Variants in HSD3B2 observed in about 807,000 individuals in gnomAD.
HSD3B2 encodes 3 beta-hydroxysteroid dehydrogenase/Delta 5-->4-isomerase type 2.
A neutral mutation model predicts 9.9 loss-of-function variants in HSD3B2; 8 were observed. The observed-to-expected ratio is 0.81, with a 90% CI of 0.47 to 1.46. HSD3B2 has a LOEUF of 1.46. Ranked by LOEUF, HSD3B2 falls within the 40% of genes most tolerant of loss-of-function variation. HSD3B2 has a pLI of 0.00. For synonymous variants in HSD3B2, 221 were observed against 184.5 expected (o/e 1.20, Z -1.60); for missense variants, 410 against 448.3 (o/e 0.91, Z 0.77).
At position 119,422,346 on chromosome 1, in the gene HSD3B2, G is replaced by A. The variant is rs751897022; in HGVS notation, c.845G>A (p.Arg282Lys). 3 of 1,614,186 alleles carry A rather than the reference G, an allele frequency of 1.9e-6. No homozygotes were observed. The highest frequency in any genetic ancestry group is 3.3e-5 in the Admixed American group (2 of 60,028). The change falls in exon 4 of 4, where the codon AGA becomes AAA. Residue 282 changes from arginine to lysine, a missense_variant. Physicochemically the swap from Arg to Lys is conservative, Grantham distance 26 (BLOSUM62 2). Transcript: ENST00000369416. ...GAGTTTGGCCTCCGCCTTGATTCCA[G>A]ATGGAGCCTTCCTTTAACCCTGATG... ...SKEFGLRLDS[R>K]WSLPLTLMYW...
chr1:119,418,617 T>TTA (rs1651772907), intron 2 of HSD3B2, among the ~76,000 whole-genome samples: 3 of 114,922 alleles, frequency 2.6e-5, no homozygotes, highest in South Asian at 3.1e-4. Context: ...CTGTTTATCT[T>TTA]TTATTATTAT....
Position 119,419,859 on chromosome 1 carries a change from A to G in HSD3B2, c.307+277A>G, listed in dbSNP as rs890642857. 19 of 425,012 alleles carry G rather than the reference A, an allele frequency of 4.5e-5. 1 individual carries two copies. Among genetic ancestry groups the G allele is most frequent in the South Asian group, 4.2e-4 (19 of 45,000 alleles). The allele number at this position is 425,012 out of a possible 1,614,324, so 26.3% of individuals were successfully genotyped here. Reference sequence around the variant, plus strand: ...TTAAACTCACTCCTGTGTGACTCCAAAGGCTGTGGAAGCTCTTTCTACTGT... The same window carrying G: ...TTAAACTCACTCCTGTGTGACTCCAGAGGCTGTGGAAGCTCTTTCTACTGT... On this transcript the variant is annotated intron_variant, in intron 3 of 3. Coordinates refer to ENST00000369416, the MANE Select transcript of HSD3B2 (RefSeq NM_000198.4).
rs1557869523 is a variant in HSD3B2 at position 119,421,452 on chromosome 1, TG to T, written c.308-356del. ...GTATATATATATATGTATATATATA[TG>T]TATATATATATGTATATATATATGT... On this transcript the variant is annotated intron_variant, in intron 3 of 3. Coordinates refer to ENST00000369416, the MANE Select transcript of HSD3B2 (RefSeq NM_000198.4). Among the ~76,000 whole-genome samples, 323 of 11,510 alleles carry T rather than the reference TG, an allele frequency of 0.028. 28 individuals carry two copies. In the South Asian group the frequency reaches 0.44, roughly 16 times the overall value. The allele number at this position is 11,510 out of a possible 152,430, so 7.6% of individuals were successfully genotyped here.
Position 119,422,112 on chromosome 1 carries a change from C to T in HSD3B2, c.611C>T (p.Ala204Val), listed in dbSNP as rs758811639. 6.2e-7 allele frequency: 1 copy of T among 1,614,016 alleles called. No homozygotes were observed. Among genetic ancestry groups the T allele is most frequent in the Non-Finnish European group, 8.5e-7 (1 of 1,179,974 alleles). The part of the protein sequence containing the change: ...GPFLSASINE[A>V]LNNNGILSSV... ...TTCCTTTCTGCCAGTATAAATGAGG[C>T]CCTGAACAACAATGGGATCCTGTCA... Residue 204 changes from alanine to valine, a missense_variant, in exon 4 of 4, where the codon GCC becomes GTC. Coordinates refer to ENST00000369416, the MANE Select transcript of HSD3B2 (RefSeq NM_000198.4).
At position 119,419,597 on chromosome 1, in the gene HSD3B2, G is replaced by A. The variant is rs1233004708; in HGVS notation, c.307+15G>A. The A allele has an allele frequency of 1.9e-6, 3 of 1,612,790 alleles. No homozygotes were observed. Among genetic ancestry groups the A allele is most frequent in the East Asian group, 2.2e-5 (1 of 44,820 alleles). On this transcript the variant is annotated intron_variant, in intron 3 of 3. Transcript: ENST00000369416. ...CAATGTGAAAGGTACAGTAGCCTGG[G>A]GAGGAGATAAAACAAGTTGGTTAAA... is the stretch of plus-strand genomic sequence containing the variant.
At position 119,422,408 on chromosome 1, in the gene HSD3B2, C is replaced by G; in HGVS notation, c.907C>G (p.Leu303Val). ...CTTCCTGCTGGAAGTAGTGAGCTTC[C>G]TACTCAGCCCAATTTACTCCTATCA... ...IGFLLEVVSF[L>V]LSPIYSYQPP... Residue 303 changes from leucine (L) to valine (V), a missense_variant, in exon 4 of 4, where the codon CTA becomes GTA. Physicochemically the swap from Leu to Val is conservative, Grantham distance 32. Transcript: ENST00000369416. 1 of 1,614,126 alleles carries G rather than the reference C, an allele frequency of 6.2e-7. No homozygotes were observed.
At chr1:119,420,000 C>T (rs982590855) in intron 3 of HSD3B2, 1 of 297,848 alleles carries the variant, frequency 3.4e-6, no homozygotes, top group Non-Finnish European at 6.5e-6. Context: ...TCATTTTGAA[C>T]CTTGTGTGTA....
At position 119,419,467 on chromosome 1, in the gene HSD3B2, T is replaced by C; in HGVS notation, c.192T>C (p.Asp64=). The C allele has an allele frequency of 6.2e-7, 1 of 1,613,780 alleles. No individual in the cohort carries two copies. Among genetic ancestry groups the C allele is most frequent in the Non-Finnish European group, 8.5e-7 (1 of 1,179,800 alleles). ...CTGTACTTGAAGGAGACATTCTGGA[T>C]GAGCCATTCCTGAAAAGAGCCTGCC... The part of the protein sequence containing the change: ...KLTVLEGDIL[D]EPFLKRACQD... Residue 64 remains aspartate (D), a synonymous_variant, in exon 3 of 4, where the codon GAT becomes GAC. Coordinates refer to ENST00000369416, the MANE Select transcript of HSD3B2 (RefSeq NM_000198.4).
intron 3 of HSD3B2, 44 bp downstream of exon 3, chr1:119,419,626 G>A (rs1225440674): frequency 2.5e-6 from 4 of 1,581,306 alleles, no homozygotes; most frequent in Non-Finnish European, 3.5e-6. Context: ...GGTTAAATGA[G>A]GATCAGAAAG....
chr1:119,421,377 G>A (rs1010785294), intron 3 of HSD3B2, among the ~76,000 whole-genome samples: 1 of 133,132 alleles, frequency 7.5e-6, no homozygotes, highest in Non-Finnish European at 1.6e-5. Context: ...AAGTGTGTGT[G>A]TATATATATA....
intron 2 of HSD3B2, 98 bp downstream of exon 2, chr1:119,415,659 C>A: frequency 1.6e-6 from 2 of 1,271,948 alleles, no homozygotes; most frequent in Non-Finnish European, 2.3e-6. Flanking sequence ...AAGTTGTAGC[C>A]AAATGAAAGC....
At position 119,422,323 on chromosome 1, in the gene HSD3B2, G is replaced by C. The variant is rs769933669; in HGVS notation, c.822G>C (p.Glu274Asp). 4 of 1,614,068 alleles carry C rather than the reference G, an allele frequency of 2.5e-6. No homozygotes were observed. The highest frequency in any genetic ancestry group is 3.4e-6 in the Non-Finnish European group (4 of 1,180,022). Residue 274 changes from glutamate to aspartate, a missense_variant, in exon 4 of 4, where the codon GAG (glutamate) becomes GAC (aspartate). Physicochemically the swap from Glu to Asp is conservative, Grantham distance 45. Transcript: ENST00000369416. ...ACCTTAATTACATCCTGAGCAAAGA[G>C]TTTGGCCTCCGCCTTGATTCCAGAT... ...YDNLNYILSK[E>D]FGLRLDSRWS...
chr1:119,422,505 G>C lies in HSD3B2; in HGVS notation c.1004G>C (p.Arg335Pro), dbSNP rs985808078. 1 of 1,614,050 alleles carries C rather than the reference G, an allele frequency of 6.2e-7. No homozygotes were observed. Among genetic ancestry groups the C allele is most frequent in the Non-Finnish European group, 8.5e-7 (1 of 1,179,980 alleles). ...VFTFSYKKAQ[R>P]DLAYKPLYSW... Reference sequence around the variant, plus strand: ...ACCTTCTCTTACAAGAAGGCTCAGCGAGATCTGGCGTATAAGCCACTCTAC... The same window carrying C: ...ACCTTCTCTTACAAGAAGGCTCAGCCAGATCTGGCGTATAAGCCACTCTAC... The change falls in exon 4 of 4, where the codon CGA becomes CCA. Residue 335 changes from arginine (R) to proline (P), a missense_variant. Coordinates refer to ENST00000369416, the MANE Select transcript of HSD3B2 (RefSeq NM_000198.4).
Position 119,422,008 on chromosome 1 carries a change from T to C in HSD3B2, c.507T>C (p.Asn169=), listed in dbSNP as rs2101349426. ...KLAEKAVLAA[N]GWNLKNGDTL... ...CTGAGAAGGCTGTGCTGGCGGCTAA[T>C]GGGTGGAATCTAAAAAATGGTGATA... is the stretch of plus-strand genomic sequence containing the variant. The change falls in exon 4 of 4, where the codon AAT becomes AAC. Residue 169 remains asparagine (N), a synonymous_variant. Coordinates refer to ENST00000369416, the MANE Select transcript of HSD3B2 (RefSeq NM_000198.4). The C allele has an allele frequency of 6.2e-7, 1 of 1,614,052 alleles. No individual in the cohort carries two copies. The highest frequency in any genetic ancestry group is 8.5e-7 in the Non-Finnish European group (1 of 1,179,978).
At chr1:119,419,698 C>G in intron 3 of HSD3B2, 116 bp downstream of exon 3, 2 of 1,024,110 alleles carry the variant, frequency 2.0e-6, no homozygotes, top group South Asian at 2.7e-5. Flanking sequence ...TGGCCAAGTG[C>G]CTTTGCTGAT....
chr1:119,417,955 T>C (rs772413991), intron 2 of HSD3B2, among the ~76,000 whole-genome samples: 3 of 152,264 alleles, frequency 2.0e-5, no homozygotes, highest in Non-Finnish European at 4.4e-5. Flanking sequence ...GGACTCAGAA[T>C]ACCTACCTCA....
rs750057057 is a variant in HSD3B2, at chr1:119,421,526, T to TAC, written c.308-264_308-263dup. ...ATATATATATACACACACGTATACA[T>TAC]ACACACACACACACACACACCACAC... is the stretch of plus-strand genomic sequence containing the variant. On this transcript the variant is annotated intron_variant, in intron 3 of 3. Coordinates refer to ENST00000369416, the MANE Select transcript of HSD3B2 (RefSeq NM_000198.4). Among the ~76,000 whole-genome samples the TAC allele has an allele frequency of 0.028, 3,831 of 138,516 alleles. 78 individuals are homozygous for TAC. The highest frequency in any genetic ancestry group is 0.046 in the East Asian group (222 of 4,848). 90.9% of individuals were successfully genotyped at this position (138,516 alleles called of 152,430 possible). A position where few individuals can be genotyped will look rare whatever the true frequency, so the allele number is the denominator to read the frequency against.
rs1040460466 is a variant in HSD3B2 at position 119,421,861 on chromosome 1, C to T, written c.360C>T (p.Ile120=). The T allele has an allele frequency of 3.1e-6, 5 of 1,613,812 alleles. No homozygotes were observed. The African/African-American group carries it at 6.7e-5, about 22-fold the overall frequency. The change falls in exon 4 of 4, where the codon ATC becomes ATT. Residue 120 remains isoleucine (I), a synonymous_variant. Coordinates refer to ENST00000369416, the MANE Select transcript of HSD3B2 (RefSeq NM_000198.4). ...TCCAAGCCAGTGTGCCAGTCTTCAT[C>T]TACACCAGTAGCATAGAGGTAGCCG... ...ACVQASVPVF[I]YTSSIEVAGP...
rs1387274464 is a variant in HSD3B2 at position 119,421,852 on chromosome 1, A to C, written c.351A>C (p.Pro117=). Residue 117 remains proline, a synonymous_variant, in exon 4 of 4, where the codon CCA becomes CCC. Coordinates refer to ENST00000369416, the MANE Select transcript of HSD3B2 (RefSeq NM_000198.4). The stretch of plus-strand genomic sequence containing the variant: ...AGGCCTGTGTCCAAGCCAGTGTGCC[A>C]GTCTTCATCTACACCAGTAGCATAG... ...LLEACVQASV[P]VFIYTSSIEV... 6.2e-7 allele frequency: 1 copy of C among 1,613,492 alleles called. No individual in the cohort carries two copies. The highest frequency in any genetic ancestry group is 1.3e-5 in the African/African-American group (1 of 74,732).
Sources: allele counts gnomAD v4.1 joint callset (sites outside exome capture counted in the v4.1 genomes callset), GRCh38; gene constraint gnomAD v4.1.1; transcripts MANE v1.5; gene names NCBI Gene and HGNC (gene_info 2026-07-23, HGNC 2026-07-21).